The following PLAGL1 variants were observed in gnomAD, a reference collection of about 807,000 sequenced individuals.
The protein encoded by PLAGL1 is zinc finger protein PLAGL1.
PLAGL1 carries 1 observed loss-of-function variant against 4.6 expected under a neutral mutation model. That is an observed-to-expected ratio of 0.22 (90% CI 0.08 to 1.03). PLAGL1 has a LOEUF of 1.03. Ranked by LOEUF, PLAGL1 falls within the 50% of genes least tolerant of loss-of-function variation. PLAGL1 has a pLI of 0.58. For synonymous variants in PLAGL1, 240 were observed against 237.8 expected (o/e 1.01, Z -0.08); for missense variants, 464 against 570.4 (o/e 0.81, Z 1.90).
intron 1 of PLAGL1, among the ~76,000 whole-genome samples, chr6:144,025,966 G>A (rs1796312286): frequency 6.6e-6 from 1 of 152,136 alleles, no homozygotes; most frequent in Non-Finnish European, 1.5e-5. Flanking sequence ...GTCAGTCTGG[G>A]AATACTGCCA....
chr6:144,021,420 C>T (rs1190861402), intron 1 of PLAGL1, among the ~76,000 whole-genome samples: 1 of 152,136 alleles, frequency 6.6e-6, no homozygotes, highest in Non-Finnish European at 1.5e-5. Context: ...GTGAACCTTT[C>T]TAATATTATG....
At chr6:144,044,318 G>T (rs6900826) in intron 1 of PLAGL1, among the ~76,000 whole-genome samples, 37 of 152,134 alleles carry the variant, frequency 2.4e-4, no homozygotes, top group Non-Finnish European at 1.2e-4. Flanking sequence ...GGCATTTAGC[G>T]CTATAAATTT....
At chr6:143,974,895 A>G (rs1014336598) in intron 2 of PLAGL1, among the ~76,000 whole-genome samples, 2 of 152,244 alleles carry the variant, frequency 1.3e-5, no homozygotes, top group Non-Finnish European at 2.9e-5. Flanking sequence ...GCACTCAGGA[A>G]AAATACTACT....
intron 1 of PLAGL1, among the ~76,000 whole-genome samples, chr6:144,060,302 GC>G (rs1799293540): frequency 6.6e-6 from 1 of 152,146 alleles, no homozygotes; most frequent in African/African-American, 2.4e-5. Flanking sequence ...ATCCACCTTG[GC>G]CTCCCAAAGT....
Position 143,962,280 on chromosome 6 carries a change from T to G in PLAGL1, c.-398-1738A>C, listed in dbSNP as rs1344985516. 6.6e-6 allele frequency among the ~76,000 whole-genome samples: 1 copy of G among 152,230 alleles called. No homozygotes were observed. Among genetic ancestry groups the G allele is most frequent in the African/African-American group, 2.4e-5 (1 of 41,464 alleles). On this transcript the variant is annotated intron_variant, in intron 5 of 7. Transcript: ENST00000674357. The surrounding 1 kb of genome is among the most constrained non-coding windows in gnomAD (Gnocchi z 5.3). Reference sequence around the variant, plus strand: ...AGTTTGACAGGATGCTACTTGCAGATTGCTTTTCAGGTCAGAATTTAGATT... The same window carrying G: ...AGTTTGACAGGATGCTACTTGCAGAGTGCTTTTCAGGTCAGAATTTAGATT...
chr6:143,958,802 C>T lies in PLAGL1; in HGVS notation c.-325+1667G>A, dbSNP rs1244408792. ...GAAGAGACAAGGCAAGTTTTCCAAG[C>T]GACAACACTGGCTTTTCTGAAAGGG... is the stretch of plus-strand genomic sequence containing the variant. On this transcript the variant is annotated intron_variant, in intron 6 of 7. Transcript: ENST00000674357. This position sits in a 1 kb window ranked among gnomAD's most constrained non-coding sequence, Gnocchi z 5.1. Among the ~76,000 whole-genome samples, 4 of 152,012 alleles carry T rather than the reference C, an allele frequency of 2.6e-5. No homozygotes were observed. The highest frequency in any genetic ancestry group is 4.4e-5 in the Non-Finnish European group (3 of 67,998).
In PLAGL1 at chr6:143,985,339, G is replaced by A. The variant is rs997402268; in HGVS notation, c.-583-165C>T. On this transcript the variant is annotated intron_variant, in intron 1 of 7. Coordinates refer to ENST00000674357, the MANE Select transcript of PLAGL1 (RefSeq NM_001317162.2). The surrounding 1 kb of genome is among the most constrained non-coding windows in gnomAD (Gnocchi z 4.4). Reference sequence around the variant, plus strand: ...AAAACAACAGTACAATATCACAACCGATATGTTTATATTAATACCATCTAC... The same window carrying A: ...AAAACAACAGTACAATATCACAACCAATATGTTTATATTAATACCATCTAC... 1.6e-4 allele frequency: 24 copies of A among 152,048 alleles called. No individual in the cohort carries two copies. The highest frequency in any genetic ancestry group is 3.3e-4 in the Admixed American group (5 of 15,266). The allele number at this position is 152,048 out of a possible 1,614,324, so 9.4% of individuals were successfully genotyped here. A position where few individuals can be genotyped will look rare whatever the true frequency, so the allele number is the denominator to read the frequency against.
At chr6:144,025,609 G>T (rs887069169) in intron 1 of PLAGL1, among the ~76,000 whole-genome samples, 1 of 152,142 alleles carries the variant, frequency 6.6e-6, no homozygotes, top group African/African-American at 2.4e-5. Flanking sequence ...ACACCTACTG[G>T]ACGGGCACAG....
chr6:144,014,165 C>T (rs1412438833), intron 1 of PLAGL1, among the ~76,000 whole-genome samples: 2 of 152,124 alleles, frequency 1.3e-5, no homozygotes, highest in Admixed American at 6.5e-5. Flanking sequence ...GGCATGGTGG[C>T]TCACACCTGT....
In PLAGL1 at chr6:143,962,333, C is replaced by CT. The variant is rs1450065528; in HGVS notation, c.-398-1792_-398-1791insA. Among the ~76,000 whole-genome samples, 3 of 152,308 alleles carry CT rather than the reference C, an allele frequency of 2.0e-5. No homozygotes were observed. In the East Asian group the frequency reaches 5.8e-4, roughly 29 times the overall value. On this transcript the variant is annotated intron_variant, in intron 5 of 7. Coordinates refer to ENST00000674357, the MANE Select transcript of PLAGL1 (RefSeq NM_001317162.2). The surrounding 1 kb of genome is among the most constrained non-coding windows in gnomAD (Gnocchi z 5.3). ...TAAAGCAGAGGGAAAAAAGGGTTTTCATACGTCAATTATTCTTTTTTAAGT... is the reference window on the plus strand; with the variant it reads ...TAAAGCAGAGGGAAAAAAGGGTTTTCTATACGTCAATTATTCTTTTTTAAGT...
chr6:144,032,307 G>T (rs1449342793), intron 1 of PLAGL1, among the ~76,000 whole-genome samples: 26 of 140,210 alleles, frequency 1.9e-4, no homozygotes, highest in African/African-American at 5.7e-4. Flanking sequence ...TTTTTTTGGT[G>T]GAGATGAGGT....
In PLAGL1 at chr6:143,983,221, C is replaced by T. The variant is rs67637403; in HGVS notation, c.-544+1914G>A. The stretch of plus-strand genomic sequence containing the variant: ...TGATCAGTGGGGTCAGTGCTTCTGA[C>T]AGGTCAAGGAAGATACAGACTGAGA... On this transcript the variant is annotated intron_variant, in intron 2 of 7. Transcript: ENST00000674357. This position sits in a 1 kb window ranked among gnomAD's most constrained non-coding sequence, Gnocchi z 6.6. Among the ~76,000 whole-genome samples the T allele has an allele frequency of 0.053, 8,018 of 152,228 alleles. 267 individuals are homozygous for T. Among genetic ancestry groups the T allele is most frequent in the Non-Finnish European group, 0.086 (5,846 of 67,994 alleles).
At chr6:144,020,744 C>A (rs1795907474) in intron 1 of PLAGL1, among the ~76,000 whole-genome samples, 1 of 148,736 alleles carries the variant, frequency 6.7e-6, no homozygotes, top group Non-Finnish European at 1.5e-5. Context: ...CTGCACCCGG[C>A]CACCACCCAC....
chr6:143,986,826 A>G (rs986732602), intron 1 of PLAGL1, among the ~76,000 whole-genome samples: 3 of 152,074 alleles, frequency 2.0e-5, no homozygotes, highest in Non-Finnish European at 4.4e-5. Flanking sequence ...TGCCCCAAAT[A>G]CCCTGGCGAG....
At position 144,059,871 on chromosome 6, in the gene PLAGL1, AT is replaced by A. The variant is rs1442789129; in HGVS notation, c.-151+4596del. Among the ~76,000 whole-genome samples, 1 of 152,114 alleles carries A rather than the reference AT, an allele frequency of 6.6e-6. No homozygotes were observed. The highest frequency in any genetic ancestry group is 2.4e-5 in the African/African-American group (1 of 41,408). ...CATTTTGGGAGATAACCTCAAGGTTATTAGTACCTTTACTGTTTATTTCTCT... is the reference window on the plus strand; with the variant it reads ...CATTTTGGGAGATAACCTCAAGGTTATAGTACCTTTACTGTTTATTTCTCT... On this transcript the variant is annotated intron_variant, in intron 1 of 3. Transcript: ENST00000437412. The surrounding 1 kb of genome is among the most constrained non-coding windows in gnomAD (Gnocchi z 4.9).
At chr6:144,054,785 G>T (rs1440744596) in intron 1 of PLAGL1, among the ~76,000 whole-genome samples, 1 of 84,874 alleles carries the variant, frequency 1.2e-5, no homozygotes, top group Non-Finnish European at 2.2e-5. Context: ...GAGTGTGTGT[G>T]TGTGTGTGTG....
rs1164857421 is a variant in PLAGL1, at chr6:143,948,086, C to T, written c.51G>A (p.Glu17=). The change falls in exon 7 of 8, where the codon GAG becomes GAA. Residue 17 remains glutamate (E), a synonymous_variant. Transcript: ENST00000674357. This position sits in a 1 kb window ranked among gnomAD's most constrained non-coding sequence, Gnocchi z 6.0. ...GGGAATAATTGTGAATCGTGAACTT[C>T]TCCAGGGTGAGGAACGTCTTGCCAC... ...QLCGKTFLTL[E]KFTIHNYSHS... is the part of the protein sequence containing the mutation. 1.2e-6 allele frequency: 2 copies of T among 1,613,920 alleles called. No homozygotes were observed. The highest frequency in any genetic ancestry group is 1.3e-5 in the African/African-American group (1 of 74,936).
intron 1 of PLAGL1, among the ~76,000 whole-genome samples, chr6:144,035,799 T>C (rs912762361): frequency 1.3e-5 from 2 of 152,188 alleles, no homozygotes; most frequent in Non-Finnish European, 2.9e-5. Context: ...TTTTTTAATA[T>C]GTGTAATGTA....
At chr6:143,969,745 G>C (rs555048242) in intron 2 of PLAGL1, among the ~76,000 whole-genome samples, 1 of 151,730 alleles carries the variant, frequency 6.6e-6, no homozygotes, top group South Asian at 2.1e-4. Context: ...GAGGGGGAGG[G>C]AAGAAAAAGC....
Sources: allele counts gnomAD v4.1 joint callset (sites outside exome capture counted in the v4.1 genomes callset), GRCh38; gene constraint gnomAD v4.1.1; non-coding constraint Gnocchi (gnomAD v3.1); transcripts MANE v1.5; gene names NCBI Gene and HGNC (gene_info 2026-07-23, HGNC 2026-07-21).